The following MOCS1 variants were observed in gnomAD, a reference collection of about 807,000 sequenced individuals.
MOCS1 encodes molybdenum cofactor biosynthesis protein 1.
A neutral mutation model predicts 57.6 loss-of-function variants in MOCS1; 39 were observed. The observed-to-expected ratio is 0.68, with a 90% CI of 0.52 to 0.88. The LOEUF (loss-of-function observed/expected upper bound fraction) is 0.88, where lower values mean the gene tolerates loss of function less well. Among genes scored for constraint, MOCS1 ranks in the 40% least tolerant of loss-of-function variants. MOCS1 has a pLI of 0.00. For missense variants in MOCS1, 795 were observed against 831.1 expected, an observed-to-expected ratio of 0.96 and a Z score of 0.53; for synonymous variants, 334 against 335.7, an observed-to-expected ratio of 1.00 and a Z score of 0.05.
rs146079919 is a variant in MOCS1, at chr6:39,916,219, C to T, written c.432G>A (p.Arg144=). ...CACCTATGGTTCTCAGCCCTTCCAG[C>T]CGCTGGAGCTGGGCTGTAAGGACAA... is the stretch of plus-strand genomic sequence containing the variant. ...DVVDIVAQLQ[R]LEGLRTIGVT... is the part of the protein sequence containing the mutation. The change falls in exon 4 of 11, where the codon CGG becomes CGA. Residue 144 remains arginine, a synonymous_variant. Transcript: ENST00000340692. 1.2e-6 allele frequency: 2 copies of T among 1,613,750 alleles called. No homozygotes were observed. Among genetic ancestry groups the T allele is most frequent in the African/African-American group, 2.7e-5 (2 of 75,006 alleles).
chr6:39,918,184 C>G (rs1040232906), intron 3 of MOCS1, among the ~76,000 whole-genome samples: 5 of 152,252 alleles, frequency 3.3e-5, no homozygotes, highest in Non-Finnish European at 7.3e-5. Context: ...GACAGTGCCA[C>G]TGACTACACC....
Position 39,913,831 on chromosome 6 carries a change from G to T in MOCS1, c.588C>A (p.Phe196Leu), listed in dbSNP as rs1319671441. The T allele has an allele frequency of 6.2e-7, 1 of 1,614,170 alleles. No individual in the cohort carries two copies. Among genetic ancestry groups the T allele is most frequent in the Admixed American group, 1.7e-5 (1 of 60,020 alleles). Residue 196 changes from phenylalanine to leucine, a missense_variant, in exon 5 of 11, where the codon TTC becomes TTA. Coordinates refer to ENST00000340692, the MANE Select transcript of MOCS1 (RefSeq NM_001358530.2). ...KFEFIVRRKG[F>L]HKVMEGIHKA... ...TGTGGATGCCCTCCATGACCTTGTG[G>T]AAGCCTGGGAGGGAGAAACAAGGAT...
intron 1 of MOCS1, 47 bp downstream of exon 1, chr6:39,934,248 G>T (rs746737265): frequency 1.3e-6 from 2 of 1,497,228 alleles, no homozygotes; most frequent in East Asian, 4.9e-5. Context: ...GTGTGCCGGG[G>T]CCACTCCTGC....
In MOCS1 at chr6:39,907,126, CAAG is replaced by C; in HGVS notation, c.1151-12_1151-10del. The stretch of plus-strand genomic sequence containing the variant: ...GAACATCAAAAATAACTCTGCAAGG[CAAG>C]AAGAAAAGAGAAGAAACACTAAGTC... On this transcript the variant is annotated splice_polypyrimidine_tract_variant and intron_variant, in intron 10 of 10. Transcript: ENST00000340692. 1 of 1,604,544 alleles carries C rather than the reference CAAG, an allele frequency of 6.2e-7. No individual in the cohort carries two copies. The highest frequency in any genetic ancestry group is 8.5e-7 in the Non-Finnish European group (1 of 1,176,510).
rs2149394892 is a variant in MOCS1, at chr6:39,906,048, A to G, written c.*309T>C. ...GGACTGTCGGAACCTGGTTGTCTGA[A>G]ATAGTCCACAAAGAACATGATTTCT... On this transcript the variant is annotated 3_prime_UTR_variant, in exon 11 of 11. Transcript: ENST00000340692. The G allele has an allele frequency of 1.7e-6, 1 of 575,316 alleles. No individual in the cohort carries two copies. Among genetic ancestry groups the G allele is most frequent in the Non-Finnish European group, 3.3e-6 (1 of 306,008 alleles). 35.6% of individuals were successfully genotyped at this position (575,316 alleles called of 1,614,324 possible).
At position 39,906,380 on chromosome 6, in the gene MOCS1, G is replaced by C. The variant is rs745903344; in HGVS notation, c.1888C>G (p.Arg630Gly). ...TGCTAAGCCCGATGGAAGTCCCCCC[G>C]CTGACCACCAGTCTTGCTAATGAGC... Reference protein sequence around the residue: ...IKLISKTGGQRGDFHRA With the variant: ...IKLISKTGGQGGDFHRA Residue 630 changes from arginine to glycine, a missense_variant, in exon 11 of 11, where the codon CGG becomes GGG. Transcript: ENST00000340692. 6.3e-7 allele frequency: 1 copy of C among 1,596,606 alleles called. No individual in the cohort carries two copies. The highest frequency in any genetic ancestry group is 1.1e-5 in the South Asian group (1 of 89,660).
At chr6:39,932,300 C>T (rs949913348) in intron 1 of MOCS1, 4 of 152,256 alleles carry the variant, frequency 2.6e-5, no homozygotes, top group African/African-American at 9.6e-5. Flanking sequence ...TTTCCAGACT[C>T]ACCTCCCCTT....
rs1582792655 is a variant in MOCS1, at chr6:39,904,922, A to G, written c.*1435T>C. On this transcript the variant is annotated 3_prime_UTR_variant, in exon 11 of 11. Transcript: ENST00000340692. ...CTATGAGGGGATCTGGGGTGGGCTGAGAGTGTGCTGGAGCCAGCTTGTACC... is the reference window on the plus strand; with the variant it reads ...CTATGAGGGGATCTGGGGTGGGCTGGGAGTGTGCTGGAGCCAGCTTGTACC... The G allele has an allele frequency of 4.4e-6, 2 of 454,126 alleles. No individual in the cohort carries two copies. The highest frequency in any genetic ancestry group is 1.4e-3 in the Middle Eastern group (2 of 1,444). The allele number at this position is 454,126 out of a possible 1,614,324, so 28.1% of individuals were successfully genotyped here.
chr6:39,913,122 G>T, intron 6 of MOCS1, 118 bp from the exon 7 acceptor site: 1 of 950,954 alleles, frequency 1.1e-6, no homozygotes, highest in Non-Finnish European at 1.7e-6. Context: ...CCTCTTGGAA[G>T]GGAGGGACGG....
chr6:39,924,451 A>G (rs1259235318), intron 3 of MOCS1, among the ~76,000 whole-genome samples: 1 of 152,282 alleles, frequency 6.6e-6, no homozygotes, highest in African/African-American at 2.4e-5. Flanking sequence ...AGACAATTAA[A>G]GAAACCAAAC....
intron 7 of MOCS1, among the ~76,000 whole-genome samples, 163 bp downstream of exon 7, chr6:39,912,729 T>C (rs1767408923): frequency 6.6e-6 from 1 of 152,138 alleles, no homozygotes; most frequent in Admixed American, 6.5e-5. Flanking sequence ...TCTTCATCCA[T>C]GAAACAGGGA....
At chr6:39,928,048 C>T (rs535119415) in intron 1 of MOCS1, among the ~76,000 whole-genome samples, 39 of 152,204 alleles carry the variant, frequency 2.6e-4, no homozygotes, top group Non-Finnish European at 5.0e-4. Flanking sequence ...TTCCAAAGAA[C>T]GTTCTGTTTC....
intron 3 of MOCS1, among the ~76,000 whole-genome samples, chr6:39,922,630 G>T (rs943087501): frequency 6.6e-6 from 1 of 152,158 alleles, no homozygotes; most frequent in Non-Finnish European, 1.5e-5. Context: ...GTCTGCACAC[G>T]AAGCAGGGTG....
intron 3 of MOCS1, among the ~76,000 whole-genome samples, chr6:39,925,279 A>G (rs184303186): frequency 6.6e-6 from 1 of 152,254 alleles, no homozygotes; most frequent in East Asian, 1.9e-4. Context: ...AATGAGGTCG[A>G]GGAGAGTGCC....
At chr6:39,929,587 G>A (rs1198942816) in intron 1 of MOCS1, among the ~76,000 whole-genome samples, 1 of 151,968 alleles carries the variant, frequency 6.6e-6, no homozygotes, top group Non-Finnish European at 1.5e-5. Flanking sequence ...GAAGTTGAGA[G>A]GACCAAGGAG....
At chr6:39,918,489 C>T (rs749938182) in intron 3 of MOCS1, among the ~76,000 whole-genome samples, 65 of 152,148 alleles carry the variant, frequency 4.3e-4, no homozygotes, top group Non-Finnish European at 8.4e-4. Flanking sequence ...GAAATAATCA[C>T]GGATGTGAAT....
At chr6:39,931,615 T>C (rs997907018) in intron 1 of MOCS1, among the ~76,000 whole-genome samples, 2 of 151,932 alleles carry the variant, frequency 1.3e-5, no homozygotes, top group African/African-American at 2.4e-5. Flanking sequence ...GCTGGGCAGA[T>C]TGGAAGTCAA....
rs1562090656 is a variant in MOCS1, at chr6:39,913,802, GCCTTGTGGATGCCCTCCATGA to G, written c.596_616del (p.Val199_Lys205del). 1 of 1,614,074 alleles carries G rather than the reference GCCTTGTGGATGCCCTCCATGA, an allele frequency of 6.2e-7. No individual in the cohort carries two copies. Among genetic ancestry groups the G allele is most frequent in the African/African-American group, 1.3e-5 (1 of 74,936 alleles). On this transcript the variant is annotated inframe_deletion, in exon 5 of 11. Coordinates refer to ENST00000340692, the MANE Select transcript of MOCS1 (RefSeq NM_001358530.2). ...CACAGGGTTGTAGCCCAGCTCGATG[GCCTTGTGGATGCCCTCCATGA>G]CCTTGTGGAAGCCTGGGAGGGAGAA...
rs768129915 is a variant in MOCS1, at chr6:39,906,795, T to G, written c.1473A>C (p.Ala491=). 3 of 1,614,194 alleles carry G rather than the reference T, an allele frequency of 1.9e-6. No homozygotes were observed. The South Asian group carries it at 3.3e-5, about 18-fold the overall frequency. ...QLTHVDSEGR[A]AMVDVGRKPD... is the part of the protein sequence containing the mutation. ...GCTTCCTGCCCACATCTACCATAGC[T>G]GCCCGTCCTTCCGAGTCCACATGAG... The change falls in exon 11 of 11, where the codon GCA becomes GCC. Residue 491 remains alanine, a synonymous_variant. Transcript: ENST00000340692.
Sources: gnomAD v4.1 joint callset for allele counts (sites outside exome capture counted in the v4.1 genomes callset) on GRCh38, gnomAD v4.1.1 for gene constraint, MANE v1.5 for transcripts, NCBI Gene and HGNC (gene_info 2026-07-23, HGNC 2026-07-21) for gene names.